AUTS2: variants seen among roughly 807,000 people sequenced by gnomAD.
The protein encoded by AUTS2 is activator of transcription and developmental regulator AUTS2.
In AUTS2, 17 loss-of-function variants were observed where a neutral mutation model predicts 112.4. The ratio of observed to expected loss-of-function variants is 0.15; its 90% confidence interval spans 0.10 to 0.23. The LOEUF (loss-of-function observed/expected upper bound fraction) is 0.23, where lower values mean the gene tolerates loss of function less well. Among genes scored for constraint, AUTS2 ranks in the 10% least tolerant of loss-of-function variants. The pLI, the probability that AUTS2 is intolerant of heterozygous loss-of-function variation, is 1.00. For missense variants in AUTS2, 1,510 were observed against 1,701.6 expected, an observed-to-expected ratio of 0.89 and a Z score of 1.98; for synonymous variants, 751 against 702.7, an observed-to-expected ratio of 1.07 and a Z score of -1.09.
chr7:70,390,304 G>A (rs1402340831), intron 4 of AUTS2, among the ~76,000 whole-genome samples: 1 of 152,234 alleles, frequency 6.6e-6, no homozygotes, highest in African/African-American at 2.4e-5. Context: ...TTCAGTAGAT[G>A]TGGGTTGAGG....
At chr7:70,786,738 G>A (rs951638101) in intron 17 of AUTS2, among the ~76,000 whole-genome samples, 8 of 152,144 alleles carry the variant, frequency 5.3e-5, no homozygotes, top group African/African-American at 1.9e-4. Context: ...AACACAGGAA[G>A]GAGACCTGTG....
chr7:70,106,604 C>T (rs1201848984), intron 2 of AUTS2, among the ~76,000 whole-genome samples: 2 of 152,116 alleles, frequency 1.3e-5, no homozygotes. Flanking sequence ...CTTGTAGTCC[C>T]AGCTACTGGG....
intron 4 of AUTS2, 100 bp from the exon 5 acceptor site, chr7:70,435,652 T>A (rs1453973211): frequency 8.5e-7 from 1 of 1,179,900 alleles, no homozygotes; most frequent in Non-Finnish European, 1.3e-6. Flanking sequence ...CCTTTACTTA[T>A]CTTGCACTTT....
At chr7:69,652,637 C>T (rs191387405) in intron 1 of AUTS2, among the ~76,000 whole-genome samples, 1 of 152,072 alleles carries the variant, frequency 6.6e-6, no homozygotes, top group East Asian at 1.9e-4. Flanking sequence ...TTGTCACAGG[C>T]TTTTCCTCAA....
At chr7:70,716,075 C>T (rs546356235) in intron 6 of AUTS2, among the ~76,000 whole-genome samples, 4 of 152,344 alleles carry the variant, frequency 2.6e-5, no homozygotes, top group East Asian at 1.9e-4. Flanking sequence ...TGGAATTAAT[C>T]GAAAATCTGA....
At position 69,706,317 on chromosome 7, in the gene AUTS2, A is replaced by G. The variant is rs148700924; in HGVS notation, c.309+106355A>G. On this transcript the variant is annotated intron_variant, in intron 1 of 18. Coordinates refer to ENST00000342771, the MANE Select transcript of AUTS2 (RefSeq NM_015570.4). ...TGTGCTGGTTTCCTGGACAGCCGAT[A>G]GCTGGCTGTGTGTGTTGGAGGGCCC... Among the ~76,000 whole-genome samples, 296 of 152,320 alleles carry G rather than the reference A, an allele frequency of 1.9e-3. 1 individual carries two copies. Among genetic ancestry groups the G allele is most frequent in the African/African-American group, 6.8e-3 (284 of 41,570 alleles).
At chr7:70,223,856 T>TTG (rs1311029421) in intron 4 of AUTS2, among the ~76,000 whole-genome samples, 1 of 151,608 alleles carries the variant, frequency 6.6e-6, no homozygotes, top group African/African-American at 2.4e-5. Context: ...ATCTTTGTTT[T>TTG]TTTTTTTTTT....
intron 5 of AUTS2, among the ~76,000 whole-genome samples, chr7:70,443,238 G>C (rs1796192222): frequency 6.6e-6 from 1 of 152,184 alleles, no homozygotes. Context: ...AATAAACAGT[G>C]AGAAGAAAGA....
At chr7:70,322,120 GC>G (rs1790283747) in intron 4 of AUTS2, among the ~76,000 whole-genome samples, 1 of 152,028 alleles carries the variant, frequency 6.6e-6, no homozygotes, top group East Asian at 1.9e-4. Context: ...TGGAAGACCA[GC>G]AAAACTGCCC....
At chr7:69,616,417 A>G (rs1053885106) in intron 1 of AUTS2, among the ~76,000 whole-genome samples, 1 of 152,144 alleles carries the variant, frequency 6.6e-6, no homozygotes, top group Non-Finnish European at 1.5e-5. Flanking sequence ...ATTGCAGCCT[A>G]GAGGCTCAGT....
chr7:70,281,154 A>G (rs914223961), intron 4 of AUTS2, among the ~76,000 whole-genome samples: 1 of 152,198 alleles, frequency 6.6e-6, no homozygotes, highest in Admixed American at 6.5e-5. Flanking sequence ...GGTGCACTCA[A>G]GTAAAAGCTG....
chr7:70,281,059 TAATG>T (rs962773213), intron 4 of AUTS2, among the ~76,000 whole-genome samples: 2 of 152,160 alleles, frequency 1.3e-5, no homozygotes, highest in Non-Finnish European at 2.9e-5. Flanking sequence ...TGGAAAGTGA[TAATG>T]AATGAATGAA....
chr7:70,671,726 T>C (rs1807656376), intron 5 of AUTS2, among the ~76,000 whole-genome samples: 1 of 152,216 alleles, frequency 6.6e-6, no homozygotes, highest in South Asian at 2.1e-4. Context: ...CCGTACAGTG[T>C]CAGTGAGGCA....
chr7:69,680,625 T>C (rs1179473132), intron 1 of AUTS2, among the ~76,000 whole-genome samples: 1 of 152,200 alleles, frequency 6.6e-6, no homozygotes, highest in Non-Finnish European at 1.5e-5. Flanking sequence ...CTCCAGCCCC[T>C]GGTAAGCACC....
At chr7:70,320,178 G>A (rs1323991340) in intron 4 of AUTS2, among the ~76,000 whole-genome samples, 2 of 152,168 alleles carry the variant, frequency 1.3e-5, no homozygotes, top group Admixed American at 1.3e-4. Flanking sequence ...TTTTGTTTCA[G>A]TGAACTTGAG....
At position 69,795,499 on chromosome 7, in the gene AUTS2, G is replaced by A. The variant is rs139879815; in HGVS notation, c.310-103787G>A. Among the ~76,000 whole-genome samples the A allele has an allele frequency of 1.3e-3, 195 of 152,262 alleles. 1 individual carries two copies. The highest frequency in any genetic ancestry group is 0.012 in the East Asian group (64 of 5,180). On this transcript the variant is annotated intron_variant, in intron 1 of 18. Transcript: ENST00000342771. Reference sequence around the variant, plus strand: ...GTTTGAGACCAGCCTGGGCAATGTAGTGAGACCCCTGTTTCTGCCAAAAAA... The same window carrying A: ...GTTTGAGACCAGCCTGGGCAATGTAATGAGACCCCTGTTTCTGCCAAAAAA...
At chr7:70,038,023 G>A (rs1369333537) in intron 2 of AUTS2, among the ~76,000 whole-genome samples, 1 of 141,324 alleles carries the variant, frequency 7.1e-6, no homozygotes, top group East Asian at 2.1e-4. Flanking sequence ...AGTAGTGAGA[G>A]ATGAAACTAG....
intron 2 of AUTS2, among the ~76,000 whole-genome samples, chr7:70,117,439 A>C (rs1435694450): frequency 1.3e-5 from 2 of 152,112 alleles, no homozygotes; most frequent in Non-Finnish European, 2.9e-5. Context: ...CAGAAGAAAA[A>C]AGGTAAGAAA....
At chr7:70,463,740 T>C (rs1797065504) in intron 5 of AUTS2, among the ~76,000 whole-genome samples, 1 of 152,190 alleles carries the variant, frequency 6.6e-6, no homozygotes, top group Non-Finnish European at 1.5e-5. Context: ...TGTTCTTGTG[T>C]GTTTGCTGAG....
Sources: gnomAD v4.1 joint callset for allele counts (sites outside exome capture counted in the v4.1 genomes callset) on GRCh38, gnomAD v4.1.1 for gene constraint, MANE v1.5 for transcripts, NCBI Gene and HGNC (gene_info 2026-07-23, HGNC 2026-07-21) for gene names.